The following ZNF423 variants were observed in gnomAD, a reference collection of about 807,000 sequenced individuals.
ZNF423 encodes the protein zinc finger protein 423.
A neutral mutation model predicts 95.8 loss-of-function variants in ZNF423; 12 were observed. The observed-to-expected ratio is 0.13, with a 90% confidence interval of 0.08 to 0.20. The LOEUF is 0.20. ZNF423 is among the 10% of genes least tolerant of loss of function. The pLI is 1.00. For missense variants in ZNF423, 1,316 were observed against 1,737.1 expected (o/e 0.76, Z 4.31); for synonymous variants, 749 against 711.9 (o/e 1.05, Z -0.83).
chr16:49,640,799 C>G (rs1972950025), intron 3 of ZNF423: 1 of 152,444 alleles, frequency 6.6e-6, no homozygotes, highest in Admixed American at 6.5e-5. Flanking sequence ...CCCAGAGCAC[C>G]AGCACCTTCT....
intron 2 of ZNF423, among the ~76,000 whole-genome samples, chr16:49,768,043 T>G (rs2033960151): frequency 6.6e-6 from 1 of 152,226 alleles, no homozygotes; most frequent in Non-Finnish European, 1.5e-5. Flanking sequence ...TTTTGATCTT[T>G]AATCCATTAC....
chr16:49,499,972 G>C (rs565176016), intron 7 of ZNF423, among the ~76,000 whole-genome samples: 1 of 152,160 alleles, frequency 6.6e-6, no homozygotes, highest in East Asian at 1.9e-4. Context: ...GGACTCAGGG[G>C]AGCTGCACTT....
At chr16:49,695,473 AG>A (rs2031933745) in intron 3 of ZNF423, among the ~76,000 whole-genome samples, 1 of 152,216 alleles carries the variant, frequency 6.6e-6, no homozygotes, top group African/African-American at 2.4e-5. Flanking sequence ...TTGTATTTTT[AG>A]TAGAGATGGG....
At chr16:49,559,403 T>G (rs1166210308) in intron 5 of ZNF423, among the ~76,000 whole-genome samples, 1 of 152,164 alleles carries the variant, frequency 6.6e-6, no homozygotes, top group Non-Finnish European at 1.5e-5. Flanking sequence ...TGGCGAGAGA[T>G]TTCCCCTAAT....
At chr16:49,675,487 C>A (rs981886720) in intron 3 of ZNF423, among the ~76,000 whole-genome samples, 12 of 152,066 alleles carry the variant, frequency 7.9e-5, no homozygotes, top group African/African-American at 2.7e-4. Context: ...CTCAGCGGTG[C>A]CCTCAGCTGG....
At chr16:49,813,866 G>C (rs540841410) in intron 1 of ZNF423, among the ~76,000 whole-genome samples, 13 of 152,352 alleles carry the variant, frequency 8.5e-5, no homozygotes, top group African/African-American at 3.1e-4. Flanking sequence ...AAGGCCAAAA[G>C]CTCTTTGGAC....
At chr16:49,529,906 C>A (rs1312722567) in intron 5 of ZNF423, among the ~76,000 whole-genome samples, 1 of 152,058 alleles carries the variant, frequency 6.6e-6, no homozygotes, top group African/African-American at 2.4e-5. Context: ...TAGCAGGAAC[C>A]CCCCTCGGGA....
chr16:49,638,838 G>A lies in ZNF423; in HGVS notation c.338C>T (p.Ser113Leu), dbSNP rs982065747. 5 of 1,612,480 alleles carry A rather than the reference G, an allele frequency of 3.1e-6. No individual in the cohort carries two copies. Among genetic ancestry groups the A allele is most frequent in the Admixed American group, 3.3e-5 (2 of 59,956 alleles). The change falls in exon 4 of 8, where the codon TCG becomes TTG. Residue 113 changes from serine (S) to leucine (L), a missense_variant. Ser to Leu is a moderately radical substitution (Grantham distance 145). This residue lies in a region of ZNF423 where 155 missense variants were observed against 170.8 expected (regional missense o/e 0.91). Transcript: ENST00000563137. The surrounding 1 kb of genome is among the most constrained non-coding windows in gnomAD (Gnocchi z 5.6). ...CGCAACATCCTTGCTGGAGGGAGAC[G>A]AGGCCACCCAGGAGAGTTGTGGGTC... The part of the protein sequence containing the change: ...DDDPQLSWVA[S>L]SPSSKDVASP...
intron 3 of ZNF423, among the ~76,000 whole-genome samples, chr16:49,680,695 G>A (rs907556982): frequency 2.0e-5 from 3 of 152,212 alleles, no homozygotes; most frequent in African/African-American, 7.2e-5. Context: ...CCCCACCACA[G>A]CAGCCAGCAT....
intron 5 of ZNF423, among the ~76,000 whole-genome samples, chr16:49,527,167 C>A (rs747366341): frequency 6.6e-6 from 1 of 152,030 alleles, no homozygotes; most frequent in Non-Finnish European, 1.5e-5. Context: ...ACCGCAGAGG[C>A]GCACACACAC....
rs1006235596 is a variant in ZNF423 at position 49,545,858 on chromosome 16, G to C, written c.3602-20364C>G. 2.0e-5 allele frequency among the ~76,000 whole-genome samples: 3 copies of C among 152,240 alleles called. No individual in the cohort carries two copies. In the East Asian group the frequency reaches 5.8e-4, roughly 29 times the overall value. ...CAGCTAAACACTTTACATCTGGGAT[G>C]GGCTCATAAAATCTCTACGAGGAGG... On this transcript the variant is annotated intron_variant, in intron 5 of 7. Coordinates refer to ENST00000563137, the MANE Select transcript of ZNF423 (RefSeq NM_001379286.1).
At chr16:49,770,997 G>A (rs1271801140) in intron 2 of ZNF423, among the ~76,000 whole-genome samples, 3 of 152,132 alleles carry the variant, frequency 2.0e-5, no homozygotes, top group African/African-American at 4.8e-5. Context: ...TCGGGGCCAA[G>A]GGACGGAGGA....
intron 2 of ZNF423, among the ~76,000 whole-genome samples, chr16:49,749,328 A>G (rs1173754666): frequency 6.6e-6 from 1 of 152,212 alleles, no homozygotes; most frequent in Non-Finnish European, 1.5e-5. Flanking sequence ...CAGGGCGTGC[A>G]TTCGGCCAGC....
intron 3 of ZNF423, among the ~76,000 whole-genome samples, chr16:49,642,320 C>A (rs907506669): frequency 1.3e-5 from 2 of 152,134 alleles, no homozygotes; most frequent in Non-Finnish European, 2.9e-5. Flanking sequence ...TGTAGGAGTA[C>A]AGAACCTGGT....
chr16:49,684,046 G>A (rs1373565288), intron 3 of ZNF423, among the ~76,000 whole-genome samples: 1 of 152,164 alleles, frequency 6.6e-6, no homozygotes, highest in Non-Finnish European at 1.5e-5. Context: ...ACTCCAGCCT[G>A]GGCAGCAGAG....
intron 2 of ZNF423, among the ~76,000 whole-genome samples, chr16:49,747,096 A>G (rs7202513): frequency 0.73 from 110,885 of 152,070 alleles, 41,291 homozygotes; most frequent in African/African-American, 0.88. Flanking sequence ...TGCCCACAGA[A>G]GCTTATATCC....
At chr16:49,566,565 C>G (rs1970198127) in intron 5 of ZNF423, among the ~76,000 whole-genome samples, 1 of 152,188 alleles carries the variant, frequency 6.6e-6, no homozygotes, top group South Asian at 2.1e-4. Context: ...CAAAATGAGT[C>G]CAACTAAAAA....
intron 5 of ZNF423, among the ~76,000 whole-genome samples, chr16:49,607,894 C>G (rs187421184): frequency 6.6e-6 from 1 of 152,334 alleles, no homozygotes; most frequent in Non-Finnish European, 1.5e-5. Flanking sequence ...AGTGCGAGAG[C>G]TGTCCTCCTT....
intron 3 of ZNF423, among the ~76,000 whole-genome samples, chr16:49,693,840 T>G (rs1051474748): frequency 2.6e-5 from 4 of 152,084 alleles, no homozygotes; most frequent in Non-Finnish European, 5.9e-5. Flanking sequence ...AGAGATGAAC[T>G]CCTAAGGATC....
Sources: gnomAD v4.1 joint callset for allele counts (sites outside exome capture counted in the v4.1 genomes callset) on GRCh38, gnomAD v4.1.1 for gene constraint, gnomAD v4.1.1 regional missense constraint, Gnocchi (gnomAD v3.1) non-coding constraint, MANE v1.5 for transcripts, NCBI Gene and HGNC (gene_info 2026-07-23, HGNC 2026-07-21) for gene names.